DNAJC3: variants seen among roughly 807,000 people sequenced by gnomAD.
DNAJC3 encodes dnaJ homolog subfamily C member 3.
DNAJC3 carries 38 observed loss-of-function variants against 68.6 expected under a neutral mutation model. That is an observed-to-expected ratio of 0.55 (90% CI 0.43 to 0.73). The LOEUF (loss-of-function observed/expected upper bound fraction) is 0.73. DNAJC3 is among the 30% of genes least tolerant of loss of function. The probability of loss-of-function intolerance (pLI) is 0.00; values close to 1 mark genes in which losing one functional copy is unlikely to be tolerated. For synonymous variants in DNAJC3, 203 were observed against 204.0 expected, an observed-to-expected ratio of 1.00 and a Z score of 0.04; for missense variants, 526 against 591.9, an observed-to-expected ratio of 0.89 and a Z score of 1.16.
chr13:95,716,885 A>G (rs925103016), intron 2 of DNAJC3, among the ~76,000 whole-genome samples: 3 of 152,190 alleles, frequency 2.0e-5, no homozygotes, highest in South Asian at 2.1e-4. Flanking sequence ...ACATTTGGGC[A>G]TGAAAACAGG....
chr13:95,746,309 C>T (rs1882305375), intron 4 of DNAJC3, among the ~76,000 whole-genome samples: 1 of 152,162 alleles, frequency 6.6e-6, no homozygotes, highest in Non-Finnish European at 1.5e-5. Context: ...GAAAGATATG[C>T]AAGAAACTGA....
intron 4 of DNAJC3, among the ~76,000 whole-genome samples, chr13:95,729,141 C>A (rs1361867838): frequency 6.6e-6 from 1 of 151,914 alleles, no homozygotes; most frequent in Non-Finnish European, 1.5e-5. Flanking sequence ...GATTTTAATT[C>A]TTTTTTATGG....
intron 9 of DNAJC3, among the ~76,000 whole-genome samples, chr13:95,771,278 A>C (rs995030172): frequency 3.9e-5 from 6 of 152,206 alleles, no homozygotes; most frequent in African/African-American, 1.4e-4. Flanking sequence ...TCTGATACCC[A>C]TGCGACATGT....
intron 1 of DNAJC3, among the ~76,000 whole-genome samples, chr13:95,697,203 T>C (rs1361735980): frequency 6.6e-6 from 1 of 152,236 alleles, no homozygotes; most frequent in East Asian, 1.9e-4. Flanking sequence ...GCTTTTCTTA[T>C]AGGTCTAGTC....
intron 2 of DNAJC3, among the ~76,000 whole-genome samples, chr13:95,711,179 T>C (rs960703923): frequency 6.6e-6 from 1 of 152,208 alleles, no homozygotes; most frequent in Non-Finnish European, 1.5e-5. Flanking sequence ...TCTGAACTCA[T>C]AGGAAACATA....
chr13:95,691,025 C>T (rs1469771863), intron 1 of DNAJC3, among the ~76,000 whole-genome samples: 1 of 143,082 alleles, frequency 7.0e-6, no homozygotes, highest in Non-Finnish European at 1.5e-5. Flanking sequence ...GGCTGACCCC[C>T]CCACCTCCCT....
chr13:95,784,196 C>A (rs917815404), intron 9 of DNAJC3, among the ~76,000 whole-genome samples: 1 of 152,166 alleles, frequency 6.6e-6, no homozygotes, highest in African/African-American at 2.4e-5. Flanking sequence ...TTTATCCCAG[C>A]AATCTATTAT....
At chr13:95,732,347 C>T (rs576182171) in intron 4 of DNAJC3, among the ~76,000 whole-genome samples, 1 of 152,116 alleles carries the variant, frequency 6.6e-6, no homozygotes, top group African/African-American at 2.4e-5. Flanking sequence ...CTGATTTAAT[C>T]TTGTTACTGG....
At chr13:95,755,143 T>C in intron 4 of DNAJC3, among the ~76,000 whole-genome samples, 1 of 151,866 alleles carries the variant, frequency 6.6e-6, no homozygotes. Flanking sequence ...AGCCTCATGG[T>C]AATAATAAAA....
Position 95,723,321 on chromosome 13 carries a change from T to C in DNAJC3, c.273T>C (p.Leu91=). 2 of 1,611,864 alleles carry C rather than the reference T, an allele frequency of 1.2e-6. No individual in the cohort carries two copies. Among genetic ancestry groups the C allele is most frequent in the East Asian group, 2.2e-5 (1 of 44,856 alleles). The change falls in exon 3 of 12, where the codon CTT becomes CTC. Residue 91 remains leucine, a synonymous_variant. Transcript: ENST00000602402. ...FLAMGKSKAA[L]PDLTKVIQLK... The stretch of plus-strand genomic sequence containing the variant: ...CTATGGGCAAATCAAAAGCTGCACT[T>C]CCTGATTTAACTAAAGTGATTCAAT...
At chr13:95,752,383 C>T (rs1368306937) in intron 4 of DNAJC3, among the ~76,000 whole-genome samples, 10 of 152,094 alleles carry the variant, frequency 6.6e-5, no homozygotes, top group Non-Finnish European at 1.3e-4. Flanking sequence ...GTATTTGTTT[C>T]ACATATTTGC....
chr13:95,738,558 A>G (rs1882012015), intron 4 of DNAJC3, among the ~76,000 whole-genome samples: 1 of 152,016 alleles, frequency 6.6e-6, no homozygotes, highest in Non-Finnish European at 1.5e-5. Context: ...TGTTGAATTG[A>G]TCCCTTTACC....
intron 4 of DNAJC3, among the ~76,000 whole-genome samples, chr13:95,749,723 A>G (rs1359677423): frequency 2.0e-5 from 3 of 151,650 alleles, no homozygotes; most frequent in Non-Finnish European, 4.4e-5. Flanking sequence ...GGAAACAGCT[A>G]TCTGAGTCAC....
chr13:95,725,985 C>T (rs1389295532), intron 4 of DNAJC3, among the ~76,000 whole-genome samples: 16 of 151,900 alleles, frequency 1.1e-4, no homozygotes, highest in East Asian at 9.7e-4. Context: ...TCATCCATGT[C>T]GCTACAAAGG....
intron 1 of DNAJC3, among the ~76,000 whole-genome samples, chr13:95,687,796 T>C (rs1880109381): frequency 6.6e-6 from 1 of 152,198 alleles, no homozygotes; most frequent in African/African-American, 2.4e-5. Flanking sequence ...AATATATATA[T>C]TTTTAATTCT....
chr13:95,717,829 C>CT (rs1453696832), intron 2 of DNAJC3, among the ~76,000 whole-genome samples: 2 of 152,176 alleles, frequency 1.3e-5, no homozygotes, highest in East Asian at 3.8e-4. Context: ...CATTAAACCT[C>CT]TTTTTTTAAA....
In DNAJC3 at chr13:95,729,825, C is replaced by G. The variant is rs146317530; in HGVS notation, c.393+4573C>G. On this transcript the variant is annotated intron_variant, in intron 4 of 11. Transcript: ENST00000602402. Reference sequence around the variant, plus strand: ...CCTTTTGAGAAATGTCTGTTTATGTCCTTTGCCCATTTTTAAATGGGATTA... The same window carrying G: ...CCTTTTGAGAAATGTCTGTTTATGTGCTTTGCCCATTTTTAAATGGGATTA... Among the ~76,000 whole-genome samples the G allele has an allele frequency of 5.3e-3, 809 of 152,100 alleles. 9 individuals are homozygous for G. Among genetic ancestry groups the G allele is most frequent in the African/African-American group, 0.019 (777 of 41,488 alleles).
At chr13:95,677,473 T>A (rs900992912) in intron 1 of DNAJC3, 136 bp downstream of exon 1, 16 of 879,780 alleles carry the variant, frequency 1.8e-5, no homozygotes, top group Non-Finnish European at 2.4e-5. Flanking sequence ...CGGCCTGGCT[T>A]GGGCCTGAGC....
chr13:95,698,655 T>C (rs896691306), intron 1 of DNAJC3, among the ~76,000 whole-genome samples: 3 of 152,176 alleles, frequency 2.0e-5, no homozygotes, highest in African/African-American at 7.2e-5. Context: ...TAAATGCCTG[T>C]CATGCAGTTC....
Sources: gnomAD v4.1 joint callset for allele counts (sites outside exome capture counted in the v4.1 genomes callset) on GRCh38, gnomAD v4.1.1 for gene constraint, MANE v1.5 for transcripts, NCBI Gene and HGNC (gene_info 2026-07-23, HGNC 2026-07-21) for gene names.